Variants in MYO10 observed in about 807,000 individuals in gnomAD.
MYO10 encodes the protein myosin X.
Under a neutral mutation model 257.3 loss-of-function variants are expected in MYO10, and 133 were observed. The ratio of observed to expected loss-of-function variants is 0.52; its 90% confidence interval spans 0.45 to 0.60. MYO10 has a LOEUF of 0.60. Among genes scored for constraint, MYO10 ranks in the 20% least tolerant of loss-of-function variants. The pLI is 0.00. For missense variants in MYO10, 2,399 were observed against 2,635.7 expected, an observed-to-expected ratio of 0.91 and a Z score of 1.97; for synonymous variants, 1,104 against 1,028.6, an observed-to-expected ratio of 1.07 and a Z score of -1.40.
intron 3 of MYO10, among the ~76,000 whole-genome samples, chr5:16,816,537 C>CT (rs372989287): frequency 0.054 from 7,626 of 140,384 alleles, 281 homozygotes; most frequent in Non-Finnish European, 0.082. Flanking sequence ...GCTGATTTTT[C>CT]TTTTTTTTTT....
intron 8 of MYO10, 82 bp downstream of exon 8, chr5:16,780,442 C>T (rs1180924771): frequency 8.0e-7 from 1 of 1,245,120 alleles, no homozygotes; most frequent in African/African-American, 1.5e-5. Context: ...AACATTAAAA[C>T]AGATGTTCTC....
chr5:16,827,577 G>T (rs1310701367), intron 2 of MYO10, among the ~76,000 whole-genome samples: 2 of 152,186 alleles, frequency 1.3e-5, no homozygotes, highest in Non-Finnish European at 2.9e-5. Flanking sequence ...GTGAGCCACT[G>T]CGCCCAGCCA....
At chr5:16,745,919 A>G (rs1262473147) in intron 19 of MYO10, among the ~76,000 whole-genome samples, 1 of 152,146 alleles carries the variant, frequency 6.6e-6, no homozygotes, top group Admixed American at 6.5e-5. Flanking sequence ...CTGTTGTTCT[A>G]AGAAAGAGGT....
intron 17 of MYO10, among the ~76,000 whole-genome samples, chr5:16,760,518 T>C: frequency 6.6e-6 from 1 of 151,760 alleles, no homozygotes; most frequent in Non-Finnish European, 1.5e-5. Flanking sequence ...GTCTAATACA[T>C]ACAAATAACT....
At chr5:16,918,006 C>T (rs1561058481) in intron 1 of MYO10, among the ~76,000 whole-genome samples, 1 of 152,178 alleles carries the variant, frequency 6.6e-6, no homozygotes, top group African/African-American at 2.4e-5. Context: ...AATACGTATT[C>T]CATAGGAATA....
intron 26 of MYO10, among the ~76,000 whole-genome samples, chr5:16,696,359 C>G (rs1396163849): frequency 6.6e-6 from 1 of 152,072 alleles, no homozygotes; most frequent in African/African-American, 2.4e-5. Flanking sequence ...ATTAGATTTT[C>G]TTTTTCATTC....
intron 1 of MYO10, among the ~76,000 whole-genome samples, chr5:16,889,365 C>T (rs1451289730): frequency 6.6e-6 from 1 of 151,522 alleles, no homozygotes; most frequent in Admixed American, 6.6e-5. Flanking sequence ...GAGATCACGC[C>T]ACTATACTCC....
intron 2 of MYO10, among the ~76,000 whole-genome samples, chr5:16,844,321 T>A (rs754254064): frequency 6.6e-6 from 1 of 152,190 alleles, no homozygotes; most frequent in South Asian, 2.1e-4. Flanking sequence ...TATTTCACTA[T>A]CAGGTCCACA....
intron 3 of MYO10, among the ~76,000 whole-genome samples, chr5:16,803,872 C>T (rs1303793750): frequency 6.6e-6 from 1 of 152,178 alleles, no homozygotes; most frequent in East Asian, 1.9e-4. Context: ...AGACTACCTA[C>T]CTCCATTTAG....
chr5:16,753,661 G>A (rs1002813911), intron 19 of MYO10, among the ~76,000 whole-genome samples: 64 of 149,774 alleles, frequency 4.3e-4, no homozygotes, highest in African/African-American at 1.4e-3. Context: ...AGTAGAGATA[G>A]GGTTTCACCA....
chr5:16,778,567 G>A (rs2126666605), intron 9 of MYO10, among the ~76,000 whole-genome samples: 1 of 152,240 alleles, frequency 6.6e-6, no homozygotes, highest in Non-Finnish European at 1.5e-5. Context: ...GGAAGTGGGT[G>A]GGGCCACGGG....
chr5:16,753,138 A>C (rs574949012), intron 19 of MYO10, among the ~76,000 whole-genome samples: 1 of 152,292 alleles, frequency 6.6e-6, no homozygotes, highest in South Asian at 2.1e-4. Context: ...AGATAATTCA[A>C]CATTGTGGTT....
In MYO10 at chr5:16,665,599, GTGTT is replaced by G. The variant is rs1736127071; in HGVS notation, c.*1089_*1092del. ...CAGGGTCCTTTGAAGATTCACTCAAGTGTTAAGACGTTTCTGGAATGCAGCGTCT... is the reference window on the plus strand; with the variant it reads ...CAGGGTCCTTTGAAGATTCACTCAAGAAGACGTTTCTGGAATGCAGCGTCT... On this transcript the variant is annotated 3_prime_UTR_variant, in exon 41 of 41. Transcript: ENST00000513610. 6.6e-6 allele frequency: 1 copy of G among 152,234 alleles called. No individual in the cohort carries two copies. The highest frequency in any genetic ancestry group is 1.5e-5 in the Non-Finnish European group (1 of 68,046). 9.4% of individuals were successfully genotyped at this position (152,234 alleles called of 1,614,324 possible). A position where few individuals can be genotyped will look rare whatever the true frequency, so the allele number is the denominator to read the frequency against.
intron 9 of MYO10, among the ~76,000 whole-genome samples, chr5:16,769,715 T>G (rs1270174522): frequency 6.6e-6 from 1 of 152,142 alleles, no homozygotes; most frequent in Non-Finnish European, 1.5e-5. Flanking sequence ...AACTATAGCA[T>G]GCTCAGAGAT....
chr5:16,905,662 C>T (rs1053066214), intron 1 of MYO10, among the ~76,000 whole-genome samples: 7 of 152,182 alleles, frequency 4.6e-5, no homozygotes, highest in African/African-American at 1.7e-4. Context: ...TTGGATGCAA[C>T]TCACTTCCAA....
chr5:16,906,231 A>G (rs866597491), intron 1 of MYO10, among the ~76,000 whole-genome samples: 1 of 152,100 alleles, frequency 6.6e-6, no homozygotes, highest in Non-Finnish European at 1.5e-5. Context: ...CCATTCCTCA[A>G]CACCACACCC....
At position 16,773,578 on chromosome 5, in the gene MYO10, T is replaced by C. The variant is rs73053060; in HGVS notation, c.931-4375A>G. Among the ~76,000 whole-genome samples the C allele has an allele frequency of 2.6e-3, 394 of 151,138 alleles. 1 individual carries two copies. The highest frequency in any genetic ancestry group is 9.3e-3 in the African/African-American group (383 of 41,182). On this transcript the variant is annotated intron_variant, in intron 9 of 40. Coordinates refer to ENST00000513610, the MANE Select transcript of MYO10 (RefSeq NM_012334.3). Reference sequence around the variant, plus strand: ...TTGGGAGGCTAGGGCAGGAGGATCATCTGATCCCAGGAGTTCAAGGGTGCA... The same window carrying C: ...TTGGGAGGCTAGGGCAGGAGGATCACCTGATCCCAGGAGTTCAAGGGTGCA...
intron 22 of MYO10, 42 bp from the exon 23 acceptor site, chr5:16,703,200 G>A (rs1363652268): frequency 1.6e-5 from 23 of 1,467,680 alleles, no homozygotes; most frequent in Non-Finnish European, 2.1e-5. Context: ...TTGAAGTAAT[G>A]AGGCTTTGAG....
intron 1 of MYO10, among the ~76,000 whole-genome samples, chr5:16,907,859 T>A (rs532956442): frequency 6.6e-6 from 1 of 152,320 alleles, no homozygotes; most frequent in South Asian, 2.1e-4. Context: ...GCTTTCAACT[T>A]TACTGGAAAA....
Sources: allele counts gnomAD v4.1 joint callset (sites outside exome capture counted in the v4.1 genomes callset), GRCh38; gene constraint gnomAD v4.1.1; transcripts MANE v1.5; gene names NCBI Gene and HGNC (gene_info 2026-07-23, HGNC 2026-07-21).